NRG1: variants seen among roughly 807,000 people sequenced by gnomAD.
The protein encoded by NRG1 is pro-neuregulin-1, membrane-bound isoform.
In NRG1, 18 loss-of-function variants were observed where a neutral mutation model predicts 63.8. The ratio of observed to expected loss-of-function variants is 0.28; its 90% CI spans 0.19 to 0.42. The LOEUF is 0.42. NRG1 is among the 10% of genes least tolerant of loss of function. The pLI is 1.00. For synonymous variants in NRG1, 302 were observed against 301.3 expected, an observed-to-expected ratio of 1.00 and a Z score of -0.02; for missense variants, 762 against 814.7, an observed-to-expected ratio of 0.94 and a Z score of 0.79.
intron 1 of NRG1, among the ~76,000 whole-genome samples, chr8:31,691,383 G>A (rs888457920): frequency 2.0e-5 from 3 of 151,872 alleles, no homozygotes; most frequent in Non-Finnish European, 2.9e-5. Flanking sequence ...TGAGGCGGGC[G>A]GATCTCGAGG....
intron 2 of NRG1, among the ~76,000 whole-genome samples, chr8:32,602,530 G>T (rs1308987672): frequency 6.6e-6 from 1 of 152,114 alleles, no homozygotes; most frequent in Non-Finnish European, 1.5e-5. Context: ...GTTCTTGAGG[G>T]TGTTGTAATA....
chr8:32,116,659 C>T (rs1207545170), intron 1 of NRG1, among the ~76,000 whole-genome samples: 3 of 152,036 alleles, frequency 2.0e-5, no homozygotes, highest in African/African-American at 4.8e-5. Flanking sequence ...CTCATAAAAA[C>T]ATAAACTCAT....
chr8:32,212,746 C>G (rs117927375), intron 1 of NRG1, among the ~76,000 whole-genome samples: 200 of 152,206 alleles, frequency 1.3e-3, no homozygotes, highest in Middle Eastern at 3.4e-3. Flanking sequence ...TACTTGAAAT[C>G]AACATTCCAG....
rs57291704 is a variant in NRG1 at position 31,920,340 on chromosome 8, A to G, written c.37+280909A>G. 8.6e-3 allele frequency among the ~76,000 whole-genome samples: 1,312 copies of G among 152,278 alleles called. 18 individuals carry two copies. The highest frequency in any genetic ancestry group is 0.03 in the African/African-American group (1,265 of 41,560). Reference sequence around the variant, plus strand: ...ATGTATCTGTACATTCTAAATAGTAAAAACTCTTTTTGGCTCAAATCTTTT... The same window carrying G: ...ATGTATCTGTACATTCTAAATAGTAGAAACTCTTTTTGGCTCAAATCTTTT... On this transcript the variant is annotated intron_variant, in intron 1 of 10. Transcript: ENST00000519301.
intron 1 of NRG1, among the ~76,000 whole-genome samples, chr8:32,514,287 GTA>G (rs772930286): frequency 2.4e-4 from 37 of 151,332 alleles, no homozygotes; most frequent in African/African-American, 6.3e-4. Context: ...TATTGTGTGT[GTA>G]TATATATATA....
chr8:32,172,749 GATGAA>G (rs1390563705), intron 1 of NRG1, among the ~76,000 whole-genome samples: 17 of 152,186 alleles, frequency 1.1e-4, no homozygotes, highest in African/African-American at 1.7e-4. Context: ...AGTGATGGAA[GATGAA>G]ATGAATGAAA....
intron 5 of NRG1, among the ~76,000 whole-genome samples, chr8:32,624,854 A>C (rs891814496): frequency 6.6e-6 from 1 of 152,224 alleles, no homozygotes; most frequent in African/African-American, 2.4e-5. Flanking sequence ...CCTTTAAAAA[A>C]AATCCATGAT....
At chr8:32,497,533 T>G (rs1408831669) in intron 1 of NRG1, among the ~76,000 whole-genome samples, 1 of 152,058 alleles carries the variant, frequency 6.6e-6, no homozygotes, top group Non-Finnish European at 1.5e-5. Context: ...ATTTTTTAAC[T>G]TACAGATTGA....
chr8:32,616,568 G>A (rs1346508261), intron 4 of NRG1, among the ~76,000 whole-genome samples: 1 of 152,140 alleles, frequency 6.6e-6, no homozygotes, highest in Admixed American at 6.6e-5. Flanking sequence ...TCTCTTGGAA[G>A]TTCAGATAAT....
intron 1 of NRG1, among the ~76,000 whole-genome samples, chr8:31,849,009 A>C (rs771983685): frequency 3.3e-5 from 5 of 152,204 alleles, no homozygotes; most frequent in Non-Finnish European, 7.4e-5. Context: ...AAAGTTGGGG[A>C]TTGCAGCTTT....
chr8:32,193,149 T>C (rs1482599138), intron 1 of NRG1, among the ~76,000 whole-genome samples: 1 of 152,186 alleles, frequency 6.6e-6, no homozygotes, highest in African/African-American at 2.4e-5. Flanking sequence ...AAGACAGGAC[T>C]AGTCATTTGA....
At chr8:32,416,582 C>T (rs138075181) in intron 1 of NRG1, among the ~76,000 whole-genome samples, 131 of 152,294 alleles carry the variant, frequency 8.6e-4, no homozygotes, top group Admixed American at 1.5e-3. Flanking sequence ...TTAAGTCTCA[C>T]CCCTAAGCTC....
chr8:32,292,367 T>G (rs1854305193), intron 1 of NRG1, among the ~76,000 whole-genome samples: 2 of 152,204 alleles, frequency 1.3e-5, no homozygotes, highest in Non-Finnish European at 2.9e-5. Context: ...TGCCAGTGAC[T>G]TTAACTCTGT....
chr8:32,052,112 A>T (rs1822068759), intron 1 of NRG1, among the ~76,000 whole-genome samples: 1 of 152,242 alleles, frequency 6.6e-6, no homozygotes, highest in Non-Finnish European at 1.5e-5. Context: ...ATACTGGTAG[A>T]TAGCAGAGTC....
At chr8:32,158,365 A>G (rs1838382956) in intron 1 of NRG1, among the ~76,000 whole-genome samples, 1 of 149,494 alleles carries the variant, frequency 6.7e-6, no homozygotes. Flanking sequence ...AAAAAAGATT[A>G]AAATAATACT....
At chr8:32,135,581 T>C (rs1835402581) in intron 1 of NRG1, among the ~76,000 whole-genome samples, 1 of 152,098 alleles carries the variant, frequency 6.6e-6, no homozygotes, top group Admixed American at 6.6e-5. Flanking sequence ...TGGCATTTAC[T>C]AAGATGGGTG....
intron 1 of NRG1, among the ~76,000 whole-genome samples, chr8:31,731,274 G>A (rs1394780121): frequency 3.9e-5 from 6 of 152,020 alleles, no homozygotes; most frequent in South Asian, 2.1e-4. Flanking sequence ...AATACTAACC[G>A]AAGTCCACAT....
intron 1 of NRG1, among the ~76,000 whole-genome samples, chr8:31,922,518 A>T (rs146796092): frequency 9.8e-4 from 150 of 152,308 alleles, no homozygotes; most frequent in Non-Finnish European, 1.7e-3. Flanking sequence ...TAATGCCATA[A>T]AGTCACCTCT....
chr8:31,914,743 CT>C (rs201812163), intron 1 of NRG1, among the ~76,000 whole-genome samples: 7 of 150,714 alleles, frequency 4.6e-5, no homozygotes, highest in South Asian at 2.1e-4. Context: ...ATCAAATAAT[CT>C]TTTTTTTTCA....
Sources: gnomAD v4.1 joint callset for allele counts (sites outside exome capture counted in the v4.1 genomes callset) on GRCh38, gnomAD v4.1.1 for gene constraint, MANE v1.5 for transcripts, NCBI Gene and HGNC (gene_info 2026-07-23, HGNC 2026-07-21) for gene names.